GSTZ1: variants seen among roughly 807,000 people sequenced by gnomAD.
The protein encoded by GSTZ1 is maleylacetoacetate isomerase.
GSTZ1 carries 34 observed loss-of-function variants against 35.9 expected under a neutral mutation model. The ratio of observed to expected loss-of-function variants is 0.95; its 90% confidence interval spans 0.72 to 1.26. The LOEUF is 1.26. Among genes scored for constraint, GSTZ1 ranks in the 50% most tolerant of loss-of-function variants. GSTZ1 has a pLI of 0.00. For synonymous variants in GSTZ1, 93 were observed against 101.2 expected (o/e 0.92, Z 0.49); for missense variants, 263 against 271.7 (o/e 0.97, Z 0.23).
Position 77,329,155 on chromosome 14 carries a change from G to C in GSTZ1, c.375G>C (p.Glu125Asp). 2 of 1,613,414 alleles carry C rather than the reference G, an allele frequency of 1.2e-6. No homozygotes were observed. Among genetic ancestry groups the C allele is most frequent in the Non-Finnish European group, 1.7e-6 (2 of 1,179,272 alleles). Residue 125 changes from glutamate to aspartate, a missense_variant, in exon 6 of 9, where the codon GAG (glutamate) becomes GAC (aspartate). Transcript: ENST00000216465. ...CTGTCCTGAAGCAAGTGGGAGAGGAGATGCAGCTGACCTGGGCCCAGAACG... is the reference window on the plus strand; with the variant it reads ...CTGTCCTGAAGCAAGTGGGAGAGGACATGCAGCTGACCTGGGCCCAGAACG... ...NLSVLKQVGE[E>D]MQLTWAQNAI...
intron 2 of GSTZ1, chr14:77,326,293 A>G (rs1892309927): frequency 6.6e-6 from 1 of 152,356 alleles, no homozygotes; most frequent in African/African-American, 2.4e-5. Flanking sequence ...TAGAATCTCT[A>G]GTAAACAGCC....
At chr14:77,321,375 G>A (rs1891952747) in intron 1 of GSTZ1, 192 bp downstream of exon 1, 1 of 1,530,644 alleles carries the variant, frequency 6.5e-7, no homozygotes, top group Admixed American at 2.0e-5. Flanking sequence ...GGGAGGGTTG[G>A]GCCAGAGGAG....
intron 1 of GSTZ1, chr14:77,324,609 C>T: frequency 2.6e-6 from 4 of 1,533,438 alleles, no homozygotes; most frequent in Non-Finnish European, 3.5e-6. Flanking sequence ...GATACCATGA[C>T]AGAGTCTGGC....
rs1055774134 is a variant in GSTZ1, at chr14:77,321,167, A to C, written c.-2A>C. ...GGAGGAGGGGGTCGCGCGAAGTGCC[A>C]GATGCAGGCGGGGAAGGTCTGTGAC... On this transcript the variant is annotated 5_prime_UTR_variant, in exon 1 of 9. Coordinates refer to ENST00000216465, the MANE Select transcript of GSTZ1 (RefSeq NM_145870.3). 3.6e-5 allele frequency: 52 copies of C among 1,462,464 alleles called. No homozygotes were observed. The highest frequency in any genetic ancestry group is 4.7e-5 in the Non-Finnish European group (52 of 1,100,966). The allele number at this position is 1,462,464 out of a possible 1,614,324, so 90.6% of individuals were successfully genotyped here.
rs2234955 is a variant in GSTZ1, at chr14:77,329,177, A to G, written c.397A>G (p.Asn133Asp). ...GGAGATGCAGCTGACCTGGGCCCAG[A>G]ACGCCATCACTTGTGGCTTTAACGG... ...GEEMQLTWAQNAITCGFNALE... is the reference protein window; with the variant it reads ...GEEMQLTWAQDAITCGFNALE... The change falls in exon 6 of 9, where the codon AAC (asparagine) becomes GAC (aspartate). Residue 133 changes from asparagine (N) to aspartate (D), a missense_variant. Coordinates refer to ENST00000216465, the MANE Select transcript of GSTZ1 (RefSeq NM_145870.3). The G allele has an allele frequency of 3.1e-6, 5 of 1,612,002 alleles. No homozygotes were observed. The highest frequency in any genetic ancestry group is 3.4e-6 in the Non-Finnish European group (4 of 1,178,088).
intron 1 of GSTZ1, chr14:77,323,270 G>C (rs1892122491): frequency 6.6e-6 from 1 of 151,914 alleles, no homozygotes; most frequent in African/African-American, 2.4e-5. Flanking sequence ...ACCCAAATCT[G>C]TCTCCAGATT....
chr14:77,329,317 C>G, intron 6 of GSTZ1, 116 bp downstream of exon 6: 1 of 763,814 alleles, frequency 1.3e-6, no homozygotes, highest in Non-Finnish European at 2.3e-6. Flanking sequence ...CTGACAGTTG[C>G]ATGGATGAGG....
intron 7 of GSTZ1, chr14:77,330,011 A>G: frequency 1.5e-6 from 1 of 646,618 alleles, no homozygotes; most frequent in South Asian, 1.7e-5. Context: ...GAGGCGGGCC[A>G]GCATCAGTTG....
chr14:77,327,745 G>C, intron 4 of GSTZ1, 167 bp from the exon 5 acceptor site: 1 of 739,100 alleles, frequency 1.4e-6, no homozygotes, highest in East Asian at 2.7e-5. Context: ...ACCAAGTTCT[G>C]CATGATAAGG....
At chr14:77,322,144 T>TC (rs1892044079) in intron 1 of GSTZ1, among the ~76,000 whole-genome samples, 3 of 152,212 alleles carry the variant, frequency 2.0e-5, no homozygotes, top group African/African-American at 7.2e-5. Context: ...TAATGTATAG[T>TC]CCTCCCTCTT....
Sources: allele counts gnomAD v4.1 joint callset (sites outside exome capture counted in the v4.1 genomes callset), GRCh38; gene constraint gnomAD v4.1.1; transcripts MANE v1.5; gene names NCBI Gene and HGNC (gene_info 2026-07-23, HGNC 2026-07-21).